The following COL17A1 variants were observed in gnomAD, a reference collection of about 807,000 sequenced individuals.
COL17A1 encodes collagen type XVII alpha 1 chain.
Under a neutral mutation model 218.4 loss-of-function variants are expected in COL17A1, and 181 were observed. The observed-to-expected ratio is 0.83, with a 90% CI of 0.73 to 0.94. The LOEUF (loss-of-function observed/expected upper bound fraction) is 0.94. Among genes scored for constraint, COL17A1 ranks in the 40% least tolerant of loss-of-function variants. The pLI, the probability that COL17A1 is intolerant of heterozygous loss-of-function variation, is 0.00. For synonymous variants in COL17A1, 721 were observed against 731.0 expected (o/e 0.99, Z 0.22); for missense variants, 1,924 against 1,945.9 (o/e 0.99, Z 0.21).
chr10:104,056,904 G>T, intron 17 of COL17A1, 71 bp downstream of exon 17: 1 of 1,547,684 alleles, frequency 6.5e-7, no homozygotes, highest in Non-Finnish European at 8.7e-7. Flanking sequence ...ACAGATTCCT[G>T]CCCTTCTGAC....
intron 44 of COL17A1, 128 bp from the exon 45 acceptor site, chr10:104,038,656 G>GAGA: frequency 8.4e-7 from 1 of 1,189,396 alleles, no homozygotes; most frequent in Non-Finnish European, 1.2e-6. Context: ...TAGTGGCAAG[G>GAGA]AGAAGGGTCC....
At chr10:104,036,079 T>TGTATGG (rs2086289344) in intron 48 of COL17A1, among the ~76,000 whole-genome samples, 1 of 105,018 alleles carries the variant, frequency 9.5e-6, no homozygotes. Context: ...TGTATGGGAG[T>TGTATGG]GTGTATGGGA....
At chr10:104,045,196 C>G (rs762511519) in intron 33 of COL17A1, among the ~76,000 whole-genome samples, 2 of 152,126 alleles carry the variant, frequency 1.3e-5, no homozygotes, top group Admixed American at 6.5e-5. Context: ...ACCACATTGC[C>G]CCAGTCAGAC....
chr10:104,038,859 A>T (rs1453225406), intron 44 of COL17A1, among the ~76,000 whole-genome samples: 5 of 152,124 alleles, frequency 3.3e-5, no homozygotes, highest in Non-Finnish European at 7.4e-5. Flanking sequence ...CTGCATTGTT[A>T]GGTATCATTA....
rs867900824 is a variant in COL17A1, at chr10:104,049,527, C to A, written c.2165-56G>T. 9 of 1,568,376 alleles carry A rather than the reference C, an allele frequency of 5.7e-6. No individual in the cohort carries two copies. In the South Asian group the frequency reaches 1.0e-4, roughly 17 times the overall value. On this transcript the variant is annotated intron_variant, in intron 28 of 55. Transcript: ENST00000648076. ...CACTTGCAAGCTGTGTATGCTTTAACAATGGTGGTCTGCTCCCTCCTCCAA... is the reference window on the plus strand; with the variant it reads ...CACTTGCAAGCTGTGTATGCTTTAAAAATGGTGGTCTGCTCCCTCCTCCAA...
In COL17A1 at chr10:104,055,696, G is replaced by A. The variant is rs805694; in HGVS notation, c.1687+86C>T. 0.8 allele frequency: 1,236,585 copies of A among 1,550,064 alleles called. 496,195 individuals are homozygous for A. The highest frequency in any genetic ancestry group is 0.82 in the Non-Finnish European group (933,247 of 1,138,130). ...GGCCGAGAGTGGGCCGGATGATGGT[G>A]CTCACAGCACATGCACACATACCAC... On this transcript the variant is annotated intron_variant, in intron 18 of 55. Transcript: ENST00000648076.
intron 5 of COL17A1, 55 bp from the exon 6 acceptor site, chr10:104,074,286 C>G: frequency 6.2e-7 from 1 of 1,613,644 alleles, no homozygotes; most frequent in Middle Eastern, 1.7e-4. Flanking sequence ...CATAAAGCTT[C>G]CAAAACGGGA....
chr10:104,080,297 G>A (rs557774719), intron 2 of COL17A1, among the ~76,000 whole-genome samples: 2 of 152,250 alleles, frequency 1.3e-5, no homozygotes, highest in East Asian at 1.9e-4. Flanking sequence ...TTAGATTTCT[G>A]TTGCCCTGTA....
rs2086331343 is a variant in COL17A1, at chr10:104,039,061, C to A, written c.2947+10G>T. 1 of 1,613,850 alleles carries A rather than the reference C, an allele frequency of 6.2e-7. No individual in the cohort carries two copies. The highest frequency in any genetic ancestry group is 8.5e-7 in the Non-Finnish European group (1 of 1,179,838). On this transcript the variant is annotated intron_variant, in intron 44 of 55. Coordinates refer to ENST00000648076, the MANE Select transcript of COL17A1 (RefSeq NM_000494.4). ...AGTGGAGAGGAACTTTGGTCACTTTCAGTTCTTACCTTCAGAAGGACCACT... is the reference window on the plus strand; with the variant it reads ...AGTGGAGAGGAACTTTGGTCACTTTAAGTTCTTACCTTCAGAAGGACCACT...
chr10:104,060,010 G>A (rs7081944), intron 14 of COL17A1, 109 bp downstream of exon 14: 9 of 1,528,650 alleles, frequency 5.9e-6, no homozygotes, highest in Non-Finnish European at 8.0e-6. Flanking sequence ...AGAATGGGAT[G>A]GCTATGGTTT....
In COL17A1 at chr10:104,034,060, A is replaced by G. The variant is rs945600680; in HGVS notation, c.4041T>C (p.Tyr1347=). The G allele has an allele frequency of 7.4e-6, 12 of 1,613,902 alleles. No homozygotes were observed. In the Admixed American group the frequency reaches 1.0e-4, roughly 13 times the overall value. The change falls in exon 52 of 56, where the codon TAT becomes TAC. Residue 1347 remains tyrosine (Y), a synonymous_variant. Coordinates refer to ENST00000648076, the MANE Select transcript of COL17A1 (RefSeq NM_000494.4). ...YGTDIGPGGG[Y]GAAAEGGMYA... Reference sequence around the variant, plus strand: ...ACATGCCGCCTTCTGCTGCTGCCCCATAGCCTCCGCCTGGGCCGATGTCAG... The same window carrying G: ...ACATGCCGCCTTCTGCTGCTGCCCCGTAGCCTCCGCCTGGGCCGATGTCAG...
In COL17A1 at chr10:104,041,479, A is replaced by G; in HGVS notation, c.2605+6T>C. On this transcript the variant is annotated splice_donor_region_variant and intron_variant, in intron 37 of 55. Transcript: ENST00000648076. ...CCCACCTTCCAAAGGTCTCCAAGAT[A>G]CTCACCTGGTGGCCCGCGTGGGCCG... The G allele has an allele frequency of 1.2e-6, 2 of 1,600,652 alleles. No homozygotes were observed. Among genetic ancestry groups the G allele is most frequent in the South Asian group, 1.1e-5 (1 of 89,820 alleles).
At position 104,031,973 on chromosome 10, in the gene COL17A1, A is replaced by G. The variant is rs1473123012; in HGVS notation, c.*262T>C. 3.5e-6 allele frequency: 2 copies of G among 568,610 alleles called. No individual in the cohort carries two copies. The highest frequency in any genetic ancestry group is 2.1e-5 in the South Asian group (1 of 47,844). The allele number at this position is 568,610 out of a possible 1,614,324, so 35.2% of individuals were successfully genotyped here. ...TAAAGAAGCCAAGGAGTTCAGATCTAGATAGCAGAGAAGTAAGTCTCATTC... is the reference window on the plus strand; with the variant it reads ...TAAAGAAGCCAAGGAGTTCAGATCTGGATAGCAGAGAAGTAAGTCTCATTC... On this transcript the variant is annotated 3_prime_UTR_variant, in exon 56 of 56. Transcript: ENST00000648076.
rs557271221 is a variant in COL17A1, at chr10:104,031,414, T to G, written c.*821A>C. The G allele has an allele frequency of 1.3e-5, 2 of 152,720 alleles. No homozygotes were observed. Among genetic ancestry groups the G allele is most frequent in the South Asian group, 4.1e-4 (2 of 4,832 alleles). 9.5% of individuals were successfully genotyped at this position (152,720 alleles called of 1,614,324 possible). On this transcript the variant is annotated 3_prime_UTR_variant, in exon 56 of 56. Transcript: ENST00000648076. Reference sequence around the variant, plus strand: ...GACCAACTGCGCCCAGTCCCCCAAGTGCCATTTTCTGAGTGCAGAATGGAG... The same window carrying G: ...GACCAACTGCGCCCAGTCCCCCAAGGGCCATTTTCTGAGTGCAGAATGGAG...
At chr10:104,073,759 C>T (rs1276264678) in intron 6 of COL17A1, among the ~76,000 whole-genome samples, 5 of 152,146 alleles carry the variant, frequency 3.3e-5, no homozygotes, top group Non-Finnish European at 7.4e-5. Flanking sequence ...CTTGGGGGTT[C>T]ATGAAGCACA....
At position 104,034,648 on chromosome 10, in the gene COL17A1, G is replaced by C. The variant is rs144220426; in HGVS notation, c.3739C>G (p.Arg1247Gly). 1 of 1,610,192 alleles carries C rather than the reference G, an allele frequency of 6.2e-7. No homozygotes were observed. Among genetic ancestry groups the C allele is most frequent in the Non-Finnish European group, 8.5e-7 (1 of 1,178,522 alleles). Residue 1247 changes from arginine (R) to glycine (G), a missense_variant, in exon 51 of 56, where the codon CGG becomes GGG. Physicochemically the swap from Arg to Gly is moderately radical, Grantham distance 125. Coordinates refer to ENST00000648076, the MANE Select transcript of COL17A1 (RefSeq NM_000494.4). ...GTGAGGTAGCTGATCAGCTCGCTCC[G>C]GAAGCTGTCGCTGTTTTCAGCTGCA... is the stretch of plus-strand genomic sequence containing the variant. ...TYAAENSDSF[R>G]SELISYLTSP... is the part of the protein sequence containing the mutation.
rs776248899 is a variant in COL17A1 at position 104,041,283 on chromosome 10, G to A, written c.2647+20C>T. The A allele has an allele frequency of 1.2e-6, 2 of 1,604,196 alleles. No homozygotes were observed. Among genetic ancestry groups the A allele is most frequent in the Non-Finnish European group, 1.7e-6 (2 of 1,175,256 alleles). On this transcript the variant is annotated intron_variant, in intron 38 of 55. Coordinates refer to ENST00000648076, the MANE Select transcript of COL17A1 (RefSeq NM_000494.4). ...TCTCACCTCCCCCTCCCACCTCCCA[G>A]TGGTAAGCTCGGCTCTCACCTGGTG...
At position 104,046,767 on chromosome 10, in the gene COL17A1, G is replaced by A; in HGVS notation, c.2342C>T (p.Thr781Ile). The part of the protein sequence containing the change: ...PSGDPGKPGL[T>I]GPQGPQGLPG... ...CTCACCCTGAGGTCCCTGGGGTCCT[G>A]TGAGACCTGCAGAAAATCAGACACA... The change falls in exon 32 of 56, where the codon ACA becomes ATA. Residue 781 changes from threonine to isoleucine, a missense_variant. Coordinates refer to ENST00000648076, the MANE Select transcript of COL17A1 (RefSeq NM_000494.4). 1 of 1,613,962 alleles carries A rather than the reference G, an allele frequency of 6.2e-7. No homozygotes were observed. The highest frequency in any genetic ancestry group is 2.2e-5 in the East Asian group (1 of 44,864).
At chr10:104,036,179 T>TG (rs2086295428) in intron 48 of COL17A1, among the ~76,000 whole-genome samples, 1 of 48,654 alleles carries the variant, frequency 2.1e-5, no homozygotes, top group Non-Finnish European at 4.3e-5. Flanking sequence ...TGTGTGTGTA[T>TG]GGAAGTGAGT....
Sources: allele counts gnomAD v4.1 joint callset (sites outside exome capture counted in the v4.1 genomes callset), GRCh38; gene constraint gnomAD v4.1.1; transcripts MANE v1.5; gene names NCBI Gene and HGNC (gene_info 2026-07-23, HGNC 2026-07-21).